The following TENM4 variants were observed in gnomAD, a reference collection of about 807,000 sequenced individuals.
TENM4 encodes teneurin transmembrane protein 4.
TENM4 carries 82 observed loss-of-function variants against 243.3 expected under a neutral mutation model. That is an observed-to-expected ratio of 0.34 (90% confidence interval 0.28 to 0.40). The LOEUF is 0.40. TENM4 is among the 10% of genes least tolerant of loss of function. The probability of loss-of-function intolerance (pLI) is 1.00; values close to 1 mark genes in which losing one functional copy is unlikely to be tolerated. For missense variants in TENM4, 3,138 were observed against 3,673.3 expected, an observed-to-expected ratio of 0.85 and a Z score of 3.77; for synonymous variants, 1,412 against 1,456.3, an observed-to-expected ratio of 0.97 and a Z score of 0.69.
intron 6 of TENM4, among the ~76,000 whole-genome samples, chr11:78,951,192 C>G (rs1331978894): frequency 6.6e-6 from 1 of 152,244 alleles, no homozygotes; most frequent in African/African-American, 2.4e-5. Flanking sequence ...GTCCCCCTGT[C>G]TGCGCAGAGG....
At chr11:79,435,865 C>T (rs966954215) in intron 1 of TENM4, among the ~76,000 whole-genome samples, 8 of 152,118 alleles carry the variant, frequency 5.3e-5, no homozygotes, top group East Asian at 1.9e-4. Flanking sequence ...TTGGAAATAT[C>T]GGGTTATGTA....
intron 1 of TENM4, among the ~76,000 whole-genome samples, chr11:79,354,947 G>A (rs1328251003): frequency 1.3e-5 from 2 of 152,196 alleles, no homozygotes; most frequent in African/African-American, 2.4e-5. Flanking sequence ...TTGATGTTGT[G>A]AACAAATGTG....
At chr11:79,048,790 C>T (rs1591240317) in intron 6 of TENM4, among the ~76,000 whole-genome samples, 1 of 152,192 alleles carries the variant, frequency 6.6e-6, no homozygotes, top group East Asian at 1.9e-4. Context: ...CCTGACTCCA[C>T]AACCTTTAAG....
At chr11:79,233,453 C>A (rs371812753) in intron 2 of TENM4, among the ~76,000 whole-genome samples, 1 of 151,952 alleles carries the variant, frequency 6.6e-6, no homozygotes, top group East Asian at 1.9e-4. Flanking sequence ...GGCAGGGGGA[C>A]GGGAAGGAGG....
intron 3 of TENM4, among the ~76,000 whole-genome samples, chr11:79,202,364 C>A (rs929702419): frequency 6.6e-6 from 1 of 152,158 alleles, no homozygotes; most frequent in African/African-American, 2.4e-5. Flanking sequence ...TAGCAATCAG[C>A]GAGTAATCAT....
chr11:79,080,979 C>T (rs1243598300), intron 4 of TENM4, among the ~76,000 whole-genome samples: 1 of 152,192 alleles, frequency 6.6e-6, no homozygotes, highest in Non-Finnish European at 1.5e-5. Flanking sequence ...CAATCTTAAC[C>T]TGTAATTACC....
At chr11:79,308,492 C>T (rs1199085789) in intron 1 of TENM4, among the ~76,000 whole-genome samples, 1 of 152,166 alleles carries the variant, frequency 6.6e-6, no homozygotes, top group Non-Finnish European at 1.5e-5. Context: ...TCTGATTCCT[C>T]CTGGTAACAA....
At chr11:79,111,532 T>A (rs1004980071) in intron 4 of TENM4, among the ~76,000 whole-genome samples, 1 of 152,112 alleles carries the variant, frequency 6.6e-6, no homozygotes, top group African/African-American at 2.4e-5. Context: ...GCAACAGAGC[T>A]AGACTCTGTC....
rs770426559 is a variant in TENM4 at position 78,670,376 on chromosome 11, T to C, written c.5969A>G (p.Gln1990Arg). 6.2e-7 allele frequency: 1 copy of C among 1,613,918 alleles called. No individual in the cohort carries two copies. Among genetic ancestry groups the C allele is most frequent in the South Asian group, 1.1e-5 (1 of 91,052 alleles). ...GAGGTGCCCATCCTCAGTGAAGTCC[T>C]GTATGACTGAGGCATTGCCCTCAGG... ...QPPEGNASVI[Q>R]DFTEDGHLLH... The change falls in exon 32 of 34, where the codon CAG becomes CGG. Residue 1990 changes from glutamine (Q) to arginine (R), a missense_variant. Gln to Arg is a conservative substitution (Grantham distance 43). This residue lies in a region of TENM4 where 2,467 missense variants were observed against 3,059.1 expected (regional missense o/e 0.81). Coordinates refer to ENST00000278550, the MANE Select transcript of TENM4 (RefSeq NM_001098816.3).
At chr11:78,856,208 G>A (rs1565408900) in intron 10 of TENM4, 30 bp from the exon 11 acceptor site, 3 of 1,544,702 alleles carry the variant, frequency 1.9e-6, no homozygotes, top group Non-Finnish European at 2.6e-6. Flanking sequence ...GGAAGACAAA[G>A]ACATCTCGGT....
chr11:79,390,330 A>G (rs1253554139), intron 1 of TENM4, among the ~76,000 whole-genome samples: 1 of 152,170 alleles, frequency 6.6e-6, no homozygotes, highest in African/African-American at 2.4e-5. Context: ...AGTTAATGGG[A>G]AAGGGCTAGA....
intron 1 of TENM4, among the ~76,000 whole-genome samples, chr11:79,329,351 T>C (rs1048644040): frequency 3.9e-5 from 6 of 152,178 alleles, no homozygotes; most frequent in African/African-American, 1.4e-4. Context: ...CATCTTCTCT[T>C]GGAGACAGAC....
At chr11:78,990,471 C>T (rs776326949) in intron 6 of TENM4, among the ~76,000 whole-genome samples, 2 of 152,078 alleles carry the variant, frequency 1.3e-5, no homozygotes, top group Admixed American at 6.6e-5. Context: ...CAGAAAACCC[C>T]GGGGCACCCT....
intron 12 of TENM4, among the ~76,000 whole-genome samples, chr11:78,830,657 C>T (rs191251243): frequency 2.6e-5 from 4 of 152,304 alleles, no homozygotes; most frequent in African/African-American, 7.2e-5. Flanking sequence ...TACGACTCTC[C>T]GAAGGCTTGG....
chr11:79,431,956 G>A (rs1859177844), intron 1 of TENM4, among the ~76,000 whole-genome samples: 1 of 152,156 alleles, frequency 6.6e-6, no homozygotes, highest in South Asian at 2.1e-4. Context: ...GTCTTACAAT[G>A]ATAGAAATGT....
chr11:79,355,722 C>T (rs564105941), intron 1 of TENM4, among the ~76,000 whole-genome samples: 1 of 152,214 alleles, frequency 6.6e-6, no homozygotes, highest in East Asian at 1.9e-4. Flanking sequence ...CATGGTGAGA[C>T]ACATGTCACA....
At chr11:79,387,340 A>G (rs374751534) in intron 1 of TENM4, among the ~76,000 whole-genome samples, 2 of 152,184 alleles carry the variant, frequency 1.3e-5, no homozygotes, top group East Asian at 3.8e-4. Flanking sequence ...AATTTTATGA[A>G]AAATCCACTG....
chr11:78,716,682 A>G (rs1859528416), intron 25 of TENM4, among the ~76,000 whole-genome samples: 1 of 152,222 alleles, frequency 6.6e-6, no homozygotes, highest in Non-Finnish European at 1.5e-5. Flanking sequence ...TATACCTTTG[A>G]GATCTCTCCA....
intron 4 of TENM4, among the ~76,000 whole-genome samples, chr11:79,099,714 CT>C (rs1460295856): frequency 6.6e-6 from 1 of 152,118 alleles, no homozygotes; most frequent in Non-Finnish European, 1.5e-5. Flanking sequence ...CCCCAGAGAC[CT>C]TTTTGTAATC....
Sources: allele counts gnomAD v4.1 joint callset (sites outside exome capture counted in the v4.1 genomes callset), GRCh38; gene constraint gnomAD v4.1.1; regional missense constraint gnomAD v4.1.1; transcripts MANE v1.5; gene names NCBI Gene and HGNC (gene_info 2026-07-23, HGNC 2026-07-21).